The following TBCCD1 variants were observed in gnomAD, a reference collection of about 807,000 sequenced individuals.
TBCCD1 encodes the protein TBCC domain containing 1, also known as TBCC domain-containing protein 1.
In TBCCD1, 26 loss-of-function variants were observed where a neutral mutation model predicts 53.4. The ratio of observed to expected loss-of-function variants is 0.49; its 90% CI spans 0.36 to 0.68. The LOEUF is 0.68. TBCCD1 is among the 30% of genes least tolerant of loss of function. The probability of loss-of-function intolerance (pLI) is 0.00; values close to 1 mark genes in which losing one functional copy is unlikely to be tolerated. For synonymous variants in TBCCD1, 245 were observed against 241.7 expected, an observed-to-expected ratio of 1.01 and a Z score of -0.13; for missense variants, 558 against 669.5, an observed-to-expected ratio of 0.83 and a Z score of 1.84.
chr3:186,560,313 A>G (rs1281090609), intron 2 of TBCCD1, among the ~76,000 whole-genome samples: 1 of 152,218 alleles, frequency 6.6e-6, no homozygotes, highest in Admixed American at 6.5e-5. Flanking sequence ...TTAATGAATA[A>G]ATGTACTGCC....
At chr3:186,549,898 T>C (rs369186855) in intron 7 of TBCCD1, among the ~76,000 whole-genome samples, 2 of 152,312 alleles carry the variant, frequency 1.3e-5, no homozygotes, top group Middle Eastern at 3.4e-3. Context: ...AACTATCTAT[T>C]ATTGTCCTTT....
At chr3:186,558,843 C>T (rs376480592) in intron 2 of TBCCD1, among the ~76,000 whole-genome samples, 5 of 152,046 alleles carry the variant, frequency 3.3e-5, no homozygotes, top group Non-Finnish European at 7.4e-5. Flanking sequence ...CTGGTTCAAG[C>T]GAGATTCTCC....
chr3:186,568,569 A>G (rs550663677), upstream of TBCCD1, among the ~76,000 whole-genome samples: 2 of 152,312 alleles, frequency 1.3e-5, no homozygotes, highest in South Asian at 4.1e-4. Flanking sequence ...CTCTCATGAA[A>G]CTGGCATTTC....
rs1714551677 is a variant in TBCCD1 at position 186,556,652 on chromosome 3, G to A, written c.616C>T (p.Arg206Ter). The change falls in exon 4 of 8, where the codon CGA (arginine) becomes TGA (stop). Residue 206 changes from arginine (R) to a stop codon, truncating the protein, a stop_gained. Transcript: ENST00000338733. LOFTEE classifies it high-confidence loss of function. ...FHSTHSSLVS[R>*]EAVVALSFLI... is the part of the protein sequence containing the mutation. ...AAGCTGAGCGCCACAACAGCTTCTC[G>A]AGACACTAGACTACTATGGGTTGAA... The A allele has an allele frequency of 3.7e-6, 6 of 1,614,108 alleles. No individual in the cohort carries two copies. Among genetic ancestry groups the A allele is most frequent in the Non-Finnish European group, 5.1e-6 (6 of 1,180,022 alleles).
chr3:186,559,490 C>G (rs923618532), intron 2 of TBCCD1, among the ~76,000 whole-genome samples: 14 of 152,150 alleles, frequency 9.2e-5, no homozygotes, highest in African/African-American at 3.1e-4. Flanking sequence ...TTGAAGCTCA[C>G]GACTTGAAGC....
upstream of TBCCD1, chr3:186,570,496 G>A (rs963710277): frequency 2.0e-6 from 1 of 489,926 alleles, no homozygotes; most frequent in Non-Finnish European, 3.6e-6. Context: ...TACGACTCGC[G>A]GTAGCTCAGG....
At chr3:186,561,423 A>C (rs1714685347) in intron 2 of TBCCD1, among the ~76,000 whole-genome samples, 1 of 152,252 alleles carries the variant, frequency 6.6e-6, no homozygotes, top group Non-Finnish European at 1.5e-5. Flanking sequence ...AAAGATTAAC[A>C]AGTATTAGTA....
At chr3:186,561,855 T>C (rs148876267) in intron 2 of TBCCD1, among the ~76,000 whole-genome samples, 2 of 152,320 alleles carry the variant, frequency 1.3e-5, no homozygotes, top group East Asian at 3.9e-4. Context: ...CCATACGATC[T>C]AGCAATCCCA....
chr3:186,556,862 C>T, intron 3 of TBCCD1, 87 bp from the exon 4 acceptor site: 1 of 1,444,614 alleles, frequency 6.9e-7, no homozygotes. Context: ...TGTATTTATA[C>T]TCTGCCTCAT....
chr3:186,554,392 A>C lies in TBCCD1; in HGVS notation c.1406T>G (p.Phe469Cys), dbSNP rs759106840. 1 of 1,614,208 alleles carries C rather than the reference A, an allele frequency of 6.2e-7. No homozygotes were observed. The highest frequency in any genetic ancestry group is 8.5e-7 in the Non-Finnish European group (1 of 1,180,038). ...CCCTTCCATTTCAAAGGGAATAATA[A>C]ATACATAGAATTCACAAGGTGGTAA... ...QLLPPCEFYV[F>C]IIPFEMEGDT... The change falls in exon 6 of 8, where the codon TTT becomes TGT. Residue 469 changes from phenylalanine (F) to cysteine (C), a missense_variant. Phe to Cys is a radical substitution (Grantham distance 205, BLOSUM62 -2). Transcript: ENST00000338733.
intron 2 of TBCCD1, 25 bp downstream of exon 2, chr3:186,563,969 A>C (rs1218902301): frequency 6.5e-7 from 1 of 1,534,146 alleles, no homozygotes; most frequent in Non-Finnish European, 8.7e-7. Context: ...AAAGTAATTA[A>C]GTATACACAC....
chr3:186,548,735 C>A (rs1330716558), intron 7 of TBCCD1, among the ~76,000 whole-genome samples: 1 of 151,996 alleles, frequency 6.6e-6, no homozygotes, highest in African/African-American at 2.4e-5. Context: ...CAAACATCTT[C>A]AGTTACAAAA....
At chr3:186,565,225 C>T (rs1383936252) in intron 1 of TBCCD1, among the ~76,000 whole-genome samples, 1 of 151,716 alleles carries the variant, frequency 6.6e-6, no homozygotes, top group Non-Finnish European at 1.5e-5. Flanking sequence ...ATTCTCATGC[C>T]TCAGCCTCCC....
At chr3:186,557,089 C>T (rs976408280) in intron 3 of TBCCD1, among the ~76,000 whole-genome samples, 10 of 152,144 alleles carry the variant, frequency 6.6e-5, no homozygotes, top group African/African-American at 1.9e-4. Flanking sequence ...TTAAATCTGG[C>T]CAATTTCAAA....
intron 1 of TBCCD1, among the ~76,000 whole-genome samples, chr3:186,566,914 G>A (rs1050119021): frequency 6.6e-6 from 1 of 152,242 alleles, no homozygotes; most frequent in African/African-American, 2.4e-5. Flanking sequence ...AGATCCCAGA[G>A]ATGAGCCCTC....
intron 6 of TBCCD1, chr3:186,553,552 C>G (rs1227338480): frequency 6.6e-6 from 1 of 152,172 alleles, no homozygotes; most frequent in African/African-American, 2.4e-5. Flanking sequence ...ATCCTGGCTC[C>G]TGTGTGACTT....
chr3:186,548,127 C>T (rs1317112368), intron 7 of TBCCD1, among the ~76,000 whole-genome samples: 1 of 152,180 alleles, frequency 6.6e-6, no homozygotes, highest in African/African-American at 2.4e-5. Context: ...GCCAAATGTC[C>T]ATCAACTGAT....
chr3:186,563,845 C>T (rs1714749362), intron 2 of TBCCD1, 149 bp downstream of exon 2: 7 of 920,746 alleles, frequency 7.6e-6, no homozygotes. Context: ...AGGAAGACTG[C>T]TTGAAGCCGG....
At chr3:186,569,741 G>A (rs1203376925), upstream of TBCCD1, among the ~76,000 whole-genome samples, 1 of 152,052 alleles carries the variant, frequency 6.6e-6, no homozygotes, top group African/African-American at 2.4e-5. Flanking sequence ...CCCTGGCCAG[G>A]TGAGAGATAC....
Sources: gnomAD v4.1 joint callset for allele counts (sites outside exome capture counted in the v4.1 genomes callset) on GRCh38, gnomAD v4.1.1 for gene constraint, MANE v1.5 for transcripts, NCBI Gene and HGNC (gene_info 2026-07-23, HGNC 2026-07-21) for gene names.